SASS6: variants seen among roughly 807,000 people sequenced by gnomAD.
SASS6 encodes SAS-6 centriolar assembly protein, also known as spindle assembly abnormal protein 6 homolog.
In SASS6, 59 loss-of-function variants were observed where a neutral mutation model predicts 94.9. That is an observed-to-expected ratio of 0.62 (90% CI 0.50 to 0.77). SASS6 has a LOEUF of 0.77. SASS6 is among the 30% of genes least tolerant of loss of function. SASS6 has a pLI of 0.00. For synonymous variants in SASS6, 264 were observed against 270.0 expected (o/e 0.98, Z 0.22); for missense variants, 698 against 734.1 (o/e 0.95, Z 0.57).
At chr1:100,131,947 GAA>G (rs1425592311) in intron 1 of SASS6, among the ~76,000 whole-genome samples, 1 of 151,798 alleles carries the variant, frequency 6.6e-6, no homozygotes, top group Non-Finnish European at 1.5e-5. Flanking sequence ...AACGTTCAGA[GAA>G]AAAAAGAGAC....
At chr1:100,091,905 G>A (rs1651726978) in intron 14 of SASS6, among the ~76,000 whole-genome samples, 1 of 150,102 alleles carries the variant, frequency 6.7e-6, no homozygotes, top group South Asian at 2.1e-4. Context: ...CTACATGGGA[G>A]GCTGAGGTGG....
intron 7 of SASS6, among the ~76,000 whole-genome samples, chr1:100,110,789 A>G (rs1653263909): frequency 1.3e-5 from 2 of 151,996 alleles, no homozygotes; most frequent in African/African-American, 4.8e-5. Flanking sequence ...AAGATGCTAT[A>G]TAAGTTAAAA....
chr1:100,119,500 G>A (rs1050792760), intron 6 of SASS6, among the ~76,000 whole-genome samples: 1 of 152,138 alleles, frequency 6.6e-6, no homozygotes, highest in Non-Finnish European at 1.5e-5. Flanking sequence ...CATTGTGCAG[G>A]GGTATTTTCT....
intron 7 of SASS6, 117 bp downstream of exon 7, chr1:100,118,900 AT>A (rs1363898120): frequency 1.8e-6 from 1 of 543,012 alleles, no homozygotes; most frequent in African/African-American, 1.9e-5. Context: ...TTTTATTTTT[AT>A]TTTATATACT....
intron 14 of SASS6, 76 bp downstream of exon 14, chr1:100,102,879 T>A (rs1652605586): frequency 8.8e-7 from 1 of 1,142,252 alleles, no homozygotes; most frequent in African/African-American, 1.6e-5. Context: ...AATGAACTTT[T>A]AAAAGATGTG....
chr1:100,127,837 A>AG (rs1312253981), intron 1 of SASS6, among the ~76,000 whole-genome samples: 48 of 78,238 alleles, frequency 6.1e-4, no homozygotes, highest in Non-Finnish European at 7.7e-4. Flanking sequence ...GGGGTGGGGG[A>AG]GGGGGGGACT....
At chr1:100,099,536 G>A in intron 14 of SASS6, 1 of 152,548 alleles carries the variant, frequency 6.6e-6, no homozygotes, top group Non-Finnish European at 1.5e-5. Context: ...TGGATGCCGG[G>A]AACAACCTTC....
chr1:100,116,684 G>T (rs1653822316), intron 7 of SASS6, among the ~76,000 whole-genome samples: 2 of 152,036 alleles, frequency 1.3e-5, no homozygotes, highest in South Asian at 4.1e-4. Flanking sequence ...AACAATAAAA[G>T]GAAACAATAG....
At position 100,091,818 on chromosome 1, in the gene SASS6, TAGGAAAA is replaced by T. The variant is rs1486100181; in HGVS notation, c.1675-3589_1675-3583del. On this transcript the variant is annotated intron_variant, in intron 14 of 16. Coordinates refer to ENST00000287482, the MANE Select transcript of SASS6 (RefSeq NM_194292.3). ...AAAAGAACAGAAGGTTGTGGACCTTTAGGAAAATAAAGATTTATATTCATGTCTTTTG... is the reference window on the plus strand; with the variant it reads ...AAAAGAACAGAAGGTTGTGGACCTTTTAAAGATTTATATTCATGTCTTTTG... Among the ~76,000 whole-genome samples, 7 of 151,228 alleles carry T rather than the reference TAGGAAAA, an allele frequency of 4.6e-5. No homozygotes were observed. In the East Asian group the frequency reaches 1.4e-3, roughly 29 times the overall value.
chr1:100,096,843 T>C (rs993062908), intron 14 of SASS6, among the ~76,000 whole-genome samples: 8 of 152,150 alleles, frequency 5.3e-5, no homozygotes, highest in African/African-American at 1.9e-4. Flanking sequence ...GGGCCAGGTG[T>C]GGTGGCTGAT....
At position 100,105,847 on chromosome 1, in the gene SASS6, C is replaced by T. The variant is rs1652859795; in HGVS notation, c.1465G>A (p.Val489Ile). 1.2e-6 allele frequency: 2 copies of T among 1,611,198 alleles called. No individual in the cohort carries two copies. Among genetic ancestry groups the T allele is most frequent in the South Asian group, 1.1e-5 (1 of 90,730 alleles). Reference protein sequence around the residue: ...NENQLVRKQDVLGPSTTPPAH... With the variant: ...NENQLVRKQDILGPSTTPPAH... ...GGCGGAGTAGTAGAAGGTCCCAATA[C>T]ATCTTGCTTTCTCACTAGCTGATTT... Residue 489 changes from valine to isoleucine, a missense_variant, in exon 13 of 17, where the codon GTA (valine) becomes ATA (isoleucine). By Grantham distance (29) the Val-to-Ile change is conservative. Coordinates refer to ENST00000287482, the MANE Select transcript of SASS6 (RefSeq NM_194292.3).
At chr1:100,104,119 T>C (rs1434444426) in intron 13 of SASS6, among the ~76,000 whole-genome samples, 6 of 152,176 alleles carry the variant, frequency 3.9e-5, no homozygotes, top group African/African-American at 1.4e-4. Flanking sequence ...ATAAATCCTA[T>C]CTAATAAAGC....
chr1:100,121,893 T>A (rs900998617), intron 4 of SASS6, among the ~76,000 whole-genome samples: 1 of 152,216 alleles, frequency 6.6e-6, no homozygotes, highest in Non-Finnish European at 1.5e-5. Context: ...AGTAATCAAA[T>A]AGCCCTAATT....
At chr1:100,093,008 T>C (rs1199788210) in intron 14 of SASS6, among the ~76,000 whole-genome samples, 1 of 152,078 alleles carries the variant, frequency 6.6e-6, no homozygotes, top group African/African-American at 2.4e-5. Flanking sequence ...AGGGACTGTA[T>C]GGTGGCAAGG....
chr1:100,093,589 T>C (rs1035147788), intron 14 of SASS6, among the ~76,000 whole-genome samples: 1 of 151,920 alleles, frequency 6.6e-6, no homozygotes, highest in African/African-American at 2.4e-5. Flanking sequence ...GGCAAAACCC[T>C]GTCTCTACAA....
At chr1:100,120,789 G>A (rs190805994) in intron 5 of SASS6, among the ~76,000 whole-genome samples, 46 of 152,166 alleles carry the variant, frequency 3.0e-4, no homozygotes, top group Middle Eastern at 3.4e-3. Flanking sequence ...GGTGGCTCAC[G>A]CCTGTAGTCC....
Position 100,132,734 on chromosome 1 carries a change from A to G in SASS6, c.65+16T>C. ...CCCAACCGCCACCCGCGGGCACTGG[A>G]TGACGCGGACCTTACCTCTCCTCAC... On this transcript the variant is annotated intron_variant, in intron 1 of 16. Transcript: ENST00000287482. 1 of 1,609,952 alleles carries G rather than the reference A, an allele frequency of 6.2e-7. No individual in the cohort carries two copies. Among genetic ancestry groups the G allele is most frequent in the Non-Finnish European group, 8.5e-7 (1 of 1,176,488 alleles).
chr1:100,087,284 CA>C (rs1273699176), intron 15 of SASS6, among the ~76,000 whole-genome samples: 1 of 152,114 alleles, frequency 6.6e-6, no homozygotes, highest in Non-Finnish European at 1.5e-5. Flanking sequence ...TGACCAGCCA[CA>C]AACATTTTAA....
chr1:100,132,370 A>T (rs906010420), intron 1 of SASS6, among the ~76,000 whole-genome samples: 5 of 152,116 alleles, frequency 3.3e-5, no homozygotes, highest in African/African-American at 1.2e-4. Context: ...CCAAGGCCTG[A>T]GTTCTAGTCC....
Sources: gnomAD v4.1 joint callset for allele counts (sites outside exome capture counted in the v4.1 genomes callset) on GRCh38, gnomAD v4.1.1 for gene constraint, MANE v1.5 for transcripts, NCBI Gene and HGNC (gene_info 2026-07-23, HGNC 2026-07-21) for gene names.